The following MOV10 variants were observed in gnomAD, a reference collection of about 807,000 sequenced individuals.
The protein encoded by MOV10 is Mov10 RNA helicase.
MOV10 carries 39 observed loss-of-function variants against 108.4 expected under a neutral mutation model. The observed-to-expected ratio is 0.36, with a 90% confidence interval of 0.28 to 0.47. The LOEUF (loss-of-function observed/expected upper bound fraction) is 0.47. MOV10 is among the 20% of genes least tolerant of loss of function. The probability of loss-of-function intolerance (pLI) is 1.00; values close to 1 mark genes in which losing one functional copy is unlikely to be tolerated. For missense variants in MOV10, 952 were observed against 1,297.6 expected (o/e 0.73, Z 4.09); for synonymous variants, 490 against 523.1 (o/e 0.94, Z 0.86).
Position 112,695,408 on chromosome 1 carries a change from C to T in MOV10, c.1621-8C>T, listed in dbSNP as rs3762337. ...CTGCCTCCCACACTGCGCTTATCTG[C>T]ATCTCAGGTGGTGAAGCACTTGCCC... On this transcript the variant is annotated splice_polypyrimidine_tract_variant and splice_region_variant and intron_variant, in intron 10 of 20. Transcript: ENST00000369645. 58 of 1,613,644 alleles carry T rather than the reference C, an allele frequency of 3.6e-5. No homozygotes were observed. In the East Asian group the frequency reaches 1.3e-3, roughly 35 times the overall value.
intron 15 of MOV10, 57 bp from the exon 16 acceptor site, chr1:112,698,230 G>C (rs932988440): frequency 6.2e-7 from 1 of 1,601,860 alleles, no homozygotes; most frequent in Non-Finnish European, 8.5e-7. Flanking sequence ...GGTTTGGGAA[G>C]GGAGGGAATA....
At position 112,694,098 on chromosome 1, in the gene MOV10, G is replaced by A. The variant is rs751903592; in HGVS notation, c.1221G>A (p.Gln407=). 1 of 1,614,080 alleles carries A rather than the reference G, an allele frequency of 6.2e-7. No homozygotes were observed. Among genetic ancestry groups the A allele is most frequent in the South Asian group, 1.1e-5 (1 of 91,078 alleles). The stretch of plus-strand genomic sequence containing the variant: ...CCCTTTTGTCCTCGGAGACACACCA[G>A]GAGGACCCCATCACATATAAGGGCT... ...LFALLSSETH[Q]EDPITYKGFV... The change falls in exon 8 of 21, where the codon CAG becomes CAA. Residue 407 remains glutamine, a synonymous_variant. Coordinates refer to ENST00000369645, the MANE Select transcript of MOV10 (RefSeq NM_001321324.2). The surrounding 1 kb of genome is among the most constrained non-coding windows in gnomAD (Gnocchi z 4.1).
chr1:112,699,364 T>C (rs940426053), intron 17 of MOV10: 4 of 819,330 alleles, frequency 4.9e-6, no homozygotes, highest in Non-Finnish European at 6.5e-6. Flanking sequence ...GGGTTGTATA[T>C]TCTTAACAGA....
At chr1:112,689,772 G>A in intron 4 of MOV10, 68 bp from the exon 5 acceptor site, 3 of 1,587,766 alleles carry the variant, frequency 1.9e-6, no homozygotes, top group Non-Finnish European at 2.6e-6. Flanking sequence ...GCTTCCTGGG[G>A]GAGTGTCCGG....
intron 16 of MOV10, 49 bp downstream of exon 16, chr1:112,698,527 A>G (rs1381068701): frequency 3.8e-6 from 6 of 1,578,768 alleles, no homozygotes; most frequent in Admixed American, 3.5e-5. Flanking sequence ...CCCAGATGGT[A>G]CCTCCTTAAT....
At chr1:112,695,365 C>A in intron 10 of MOV10, 51 bp from the exon 11 acceptor site, 2 of 1,587,444 alleles carry the variant, frequency 1.3e-6, no homozygotes, top group South Asian at 2.3e-5. Flanking sequence ...AGCCTGGGTA[C>A]GGCTGAGTCT....
At chr1:112,683,761 GT>G (rs1672848886) in intron 2 of MOV10, among the ~76,000 whole-genome samples, 1 of 152,160 alleles carries the variant, frequency 6.6e-6, no homozygotes, top group Admixed American at 6.5e-5. Flanking sequence ...TGCTTACAAT[GT>G]GTTCACCTTT....
Position 112,699,786 on chromosome 1 carries a change from T to C in MOV10, c.2685T>C (p.Asn895=). The C allele has an allele frequency of 1.2e-6, 2 of 1,614,240 alleles. No homozygotes were observed. The highest frequency in any genetic ancestry group is 1.7e-6 in the Non-Finnish European group (2 of 1,180,034). Residue 895 remains asparagine, a synonymous_variant, in exon 18 of 21, where the codon AAT becomes AAC. Transcript: ENST00000369645. ...TTGTGCAGCTGGATCTGGACTTTAA[T>C]CTGGGTTTCCTTAAGAACCCCAAGG... ...QSFVQLDLDF[N]LGFLKNPKRF...
intron 2 of MOV10, among the ~76,000 whole-genome samples, chr1:112,679,961 T>G (rs1672492693): frequency 6.6e-6 from 1 of 152,088 alleles, no homozygotes; most frequent in Non-Finnish European, 1.5e-5. Flanking sequence ...TTTAAGGAAT[T>G]TATCCCATTA....
At chr1:112,698,906 G>A (rs1382446982) in intron 17 of MOV10, 117 bp downstream of exon 17, 6 of 859,638 alleles carry the variant, frequency 7.0e-6, no homozygotes, top group Non-Finnish European at 2.0e-6. Context: ...CTGCTGCCTT[G>A]AATAGAGCTC....
In MOV10 at chr1:112,698,403, G is replaced by A; in HGVS notation, c.2433G>A (p.Leu811=). ...ATVTSYLKLL[L]APSSKKGKAR... is the part of the protein sequence containing the mutation. ...TGACTTCCTACCTGAAGCTGCTCCTGGCCCCCTCCTCCAAGAAGGGCAAAG... is the reference window on the plus strand; with the variant it reads ...TGACTTCCTACCTGAAGCTGCTCCTAGCCCCCTCCTCCAAGAAGGGCAAAG... Residue 811 remains leucine (L), a synonymous_variant, in exon 16 of 21, where the codon CTG becomes CTA. Transcript: ENST00000369645. 1 of 1,614,166 alleles carries A rather than the reference G, an allele frequency of 6.2e-7. No homozygotes were observed. The highest frequency in any genetic ancestry group is 8.5e-7 in the Non-Finnish European group (1 of 1,180,024).
In MOV10 at chr1:112,693,053, G is replaced by A. The variant is rs183219041; in HGVS notation, c.1140+124G>A. On this transcript the variant is annotated intron_variant, in intron 7 of 20. Transcript: ENST00000369645. ...AAGTTGAAGTGGTTCCCAGGGCTCCGCAAGAAGCAGGGTGGGCATCCTGTG... is the reference window on the plus strand; with the variant it reads ...AAGTTGAAGTGGTTCCCAGGGCTCCACAAGAAGCAGGGTGGGCATCCTGTG... 1.2e-3 allele frequency: 1,098 copies of A among 910,962 alleles called. 4 individuals are homozygous for A. The African/African-American group carries it at 0.015, about 13-fold the overall frequency. The allele number at this position is 910,962 out of a possible 1,614,324, so 56.4% of individuals were successfully genotyped here.
intron 14 of MOV10, among the ~76,000 whole-genome samples, chr1:112,697,367 G>A (rs943250992): frequency 6.6e-6 from 1 of 152,180 alleles, no homozygotes; most frequent in Non-Finnish European, 1.5e-5. Context: ...TTACTTGGGA[G>A]GCTGAGGCAG....
chr1:112,691,378 G>T (rs1298710010), intron 5 of MOV10, among the ~76,000 whole-genome samples: 1 of 152,170 alleles, frequency 6.6e-6, no homozygotes, highest in Non-Finnish European at 1.5e-5. Flanking sequence ...AGGGAAAAAA[G>T]TCTGGTAGTT....
Position 112,689,397 on chromosome 1 carries a change from G to GGGCA in MOV10, c.342-18_342-17insGGCA. 2 of 615,504 alleles carry GGGCA rather than the reference G, an allele frequency of 3.2e-6. No individual in the cohort carries two copies. The highest frequency in any genetic ancestry group is 5.8e-6 in the Non-Finnish European group (2 of 342,274). 38.1% of individuals were successfully genotyped at this position (615,504 alleles called of 1,614,324 possible). On this transcript the variant is annotated splice_polypyrimidine_tract_variant and intron_variant, in intron 3 of 20. Transcript: ENST00000369645. ...ACCGCTCCCACCCCAACCCCCCCTT[G>GGGCA]ACTCCCCTTCTCCCCAGGGCTGAGT...
chr1:112,690,402 C>T (rs181363717), intron 5 of MOV10, among the ~76,000 whole-genome samples: 7 of 152,226 alleles, frequency 4.6e-5, no homozygotes, highest in South Asian at 2.1e-4. Flanking sequence ...CTCTGTCGCC[C>T]AGGCTGGAGT....
chr1:112,683,519 T>G (rs1672828900), intron 2 of MOV10, among the ~76,000 whole-genome samples: 1 of 152,188 alleles, frequency 6.6e-6, no homozygotes, highest in South Asian at 2.1e-4. Flanking sequence ...TTAATTTTTT[T>G]GTAGAAACAG....
chr1:112,697,818 T>C (rs1219701135), intron 14 of MOV10, 176 bp from the exon 15 acceptor site: 1 of 653,686 alleles, frequency 1.5e-6, no homozygotes, highest in African/African-American at 1.8e-5. Flanking sequence ...TATTTGGTTC[T>C]GCTTTCTGTG....
intron 3 of MOV10, 60 bp from the exon 4 acceptor site, chr1:112,689,355 G>A (rs1673360021): frequency 3.3e-6 from 5 of 1,499,694 alleles, no homozygotes; most frequent in Non-Finnish European, 4.6e-6. Context: ...CTTTCCCCAG[G>A]GTAACTCCCC....
Sources: allele counts gnomAD v4.1 joint callset (sites outside exome capture counted in the v4.1 genomes callset), GRCh38; gene constraint gnomAD v4.1.1; non-coding constraint Gnocchi (gnomAD v3.1); transcripts MANE v1.5; gene names NCBI Gene and HGNC (gene_info 2026-07-23, HGNC 2026-07-21).